The following CCDC149 variants were observed in gnomAD, a reference collection of about 807,000 sequenced individuals.
CCDC149 encodes the protein coiled-coil domain containing 149, also known as coiled-coil domain-containing protein 149.
CCDC149 carries 45 observed loss-of-function variants against 59.9 expected under a neutral mutation model. The ratio of observed to expected loss-of-function variants is 0.75; its 90% confidence interval spans 0.59 to 0.96. CCDC149 has a LOEUF of 0.96. Ranked by LOEUF, CCDC149 falls within the 40% of genes least tolerant of loss-of-function variation. The pLI, the probability that CCDC149 is intolerant of heterozygous loss-of-function variation, is 0.00. For synonymous variants in CCDC149, 245 were observed against 260.6 expected (o/e 0.94, Z 0.58); for missense variants, 584 against 664.7 (o/e 0.88, Z 1.33).
chr4:24,843,235 G>A (rs1717047851), intron 4 of CCDC149, among the ~76,000 whole-genome samples: 1 of 152,336 alleles, frequency 6.6e-6, no homozygotes, highest in Admixed American at 6.5e-5. Context: ...ATTTGCCAGA[G>A]CTATCGAGAG....
chr4:24,924,599 T>C (rs1166171449), intron 1 of CCDC149, among the ~76,000 whole-genome samples: 2 of 152,212 alleles, frequency 1.3e-5, no homozygotes, highest in African/African-American at 2.4e-5. Flanking sequence ...ATGCCTTACA[T>C]GTGGTCTCTC....
chr4:24,890,589 T>A (rs2109283607), intron 1 of CCDC149, among the ~76,000 whole-genome samples: 1 of 152,326 alleles, frequency 6.6e-6, no homozygotes, highest in East Asian at 1.9e-4. Context: ...ACAATCTCCA[T>A]TCCTAAATGT....
chr4:24,817,763 G>GA (rs1310678002), intron 12 of CCDC149, among the ~76,000 whole-genome samples: 23 of 151,986 alleles, frequency 1.5e-4, no homozygotes, highest in African/African-American at 4.6e-4. Context: ...AAAGACTCAT[G>GA]AAAAACAATA....
At chr4:24,907,498 CT>C in intron 1 of CCDC149, among the ~76,000 whole-genome samples, 1 of 152,242 alleles carries the variant, frequency 6.6e-6, no homozygotes. Flanking sequence ...GGTGAGTGAT[CT>C]AAGTGGATTT....
chr4:24,917,435 G>A (rs752402168), upstream of CCDC149, among the ~76,000 whole-genome samples: 4 of 152,234 alleles, frequency 2.6e-5, no homozygotes, highest in Non-Finnish European at 5.9e-5. Flanking sequence ...AGGCTTGAGC[G>A]TGATTGGCTT....
Position 24,912,950 on chromosome 4 carries a change from G to A in CCDC149, c.-71C>T. On this transcript the variant is annotated 5_prime_UTR_variant, in exon 1 of 13. Transcript: ENST00000635206. Reference sequence around the variant, plus strand: ...ACGTCGCGTCGCCGCCGCCGCCCGGGCCCCGCGCGGCCCCGAGAGGGCCCG... The same window carrying A: ...ACGTCGCGTCGCCGCCGCCGCCCGGACCCCGCGCGGCCCCGAGAGGGCCCG... 4.7e-6 allele frequency: 4 copies of A among 845,662 alleles called. No individual in the cohort carries two copies. The highest frequency in any genetic ancestry group is 3.7e-5 in the African/African-American group (2 of 54,138). The allele number at this position is 845,662 out of a possible 1,614,324, so 52.4% of individuals were successfully genotyped here.
At chr4:24,901,906 C>T (rs932607619) in intron 1 of CCDC149, among the ~76,000 whole-genome samples, 2 of 152,194 alleles carry the variant, frequency 1.3e-5, no homozygotes, top group Non-Finnish European at 2.9e-5. Context: ...TAGCCATCCC[C>T]TTTTCTCTAT....
chr4:24,828,639 G>C (rs915583337), intron 9 of CCDC149: 1 of 152,056 alleles, frequency 6.6e-6, no homozygotes, highest in African/African-American at 2.4e-5. Flanking sequence ...AAATTAGTCA[G>C]GCGTGGTGGC....
chr4:24,908,054 C>T (rs766784637), intron 1 of CCDC149, among the ~76,000 whole-genome samples: 3 of 152,158 alleles, frequency 2.0e-5, no homozygotes, highest in Non-Finnish European at 4.4e-5. Flanking sequence ...TTAGAGCCCA[C>T]CCAAGATGAC....
intron 4 of CCDC149, among the ~76,000 whole-genome samples, chr4:24,851,464 C>T (rs546268077): frequency 2.2e-4 from 34 of 152,104 alleles, no homozygotes; most frequent in South Asian, 1.0e-3. Flanking sequence ...CAGTTGCAAA[C>T]GTCAATTCCT....
intron 1 of CCDC149, among the ~76,000 whole-genome samples, chr4:24,939,123 G>A (rs992857434): frequency 3.2e-4 from 49 of 152,228 alleles, no homozygotes; most frequent in South Asian, 2.1e-4. Context: ...CCCCTGAGTA[G>A]CCTAACTGGG....
chr4:24,897,654 G>A (rs1577463689), intron 1 of CCDC149, among the ~76,000 whole-genome samples: 1 of 152,176 alleles, frequency 6.6e-6, no homozygotes, highest in Non-Finnish European at 1.5e-5. Context: ...TCAAACCCCA[G>A]CAAATCAGCA....
chr4:24,837,329 G>A lies in CCDC149; in HGVS notation c.561C>T (p.Ser187=). 1 of 1,614,146 alleles carries A rather than the reference G, an allele frequency of 6.2e-7. No homozygotes were observed. The highest frequency in any genetic ancestry group is 8.5e-7 in the Non-Finnish European group (1 of 1,180,032). Residue 187 remains serine, a synonymous_variant, in exon 6 of 13, where the codon TCC becomes TCT. Coordinates refer to ENST00000635206, the MANE Select transcript of CCDC149 (RefSeq NM_001330643.2). The surrounding 1 kb of genome is among the most constrained non-coding windows in gnomAD (Gnocchi z 4.3). ...TGAGCCTCTCCACTTTGTCCTGGTA[G>A]GAAGACCGTTCTTCTTTAACATCCT...
chr4:24,951,255 G>A (rs1441099388), intron 1 of CCDC149, among the ~76,000 whole-genome samples: 1 of 152,232 alleles, frequency 6.6e-6, no homozygotes, highest in Non-Finnish European at 1.5e-5. Flanking sequence ...AAGCTGCCCC[G>A]AATGTTTCCA....
chr4:24,839,245 T>A (rs1489152258), intron 4 of CCDC149, among the ~76,000 whole-genome samples: 2 of 151,864 alleles, frequency 1.3e-5, no homozygotes, highest in Non-Finnish European at 2.9e-5. Context: ...AGTGGCACGA[T>A]CTTGGCTCAC....
chr4:24,941,138 A>C (rs1244492718), intron 1 of CCDC149, among the ~76,000 whole-genome samples: 6 of 152,248 alleles, frequency 3.9e-5, no homozygotes. Context: ...TTGACCACAT[A>C]GTTGGAAGTA....
chr4:24,851,936 T>C (rs1403722352), intron 4 of CCDC149, among the ~76,000 whole-genome samples: 1 of 152,020 alleles, frequency 6.6e-6, no homozygotes, highest in Admixed American at 6.6e-5. Flanking sequence ...TGACTAGGAA[T>C]AGTAAAGCCT....
At chr4:24,952,595 C>CAAA (rs869310845) in intron 1 of CCDC149, among the ~76,000 whole-genome samples, 2 of 41,404 alleles carry the variant, frequency 4.8e-5, no homozygotes, top group African/African-American at 1.2e-4. Flanking sequence ...AACTCCATCT[C>CAAA]AAAAAAAAAA....
At chr4:24,850,079 A>G (rs1222976530) in intron 4 of CCDC149, among the ~76,000 whole-genome samples, 1 of 152,132 alleles carries the variant, frequency 6.6e-6, no homozygotes, top group Non-Finnish European at 1.5e-5. Flanking sequence ...CTTACTCCAC[A>G]AAGTACTGAT....
Sources: allele counts gnomAD v4.1 joint callset (sites outside exome capture counted in the v4.1 genomes callset), GRCh38; gene constraint gnomAD v4.1.1; non-coding constraint Gnocchi (gnomAD v3.1); transcripts MANE v1.5; gene names NCBI Gene and HGNC (gene_info 2026-07-23, HGNC 2026-07-21).